The following TUT7 variants were observed in gnomAD, a reference collection of about 807,000 sequenced individuals.
TUT7 encodes terminal uridylyl transferase 7, also known as terminal uridylyltransferase 7.
A neutral mutation model predicts 165.9 loss-of-function variants in TUT7; 33 were observed. The ratio of observed to expected loss-of-function variants is 0.20; its 90% CI spans 0.15 to 0.27. TUT7 has a LOEUF of 0.27. TUT7 is among the 10% of genes least tolerant of loss of function. The pLI is 1.00. For synonymous variants in TUT7, 552 were observed against 608.1 expected, an observed-to-expected ratio of 0.91 and a Z score of 1.36; for missense variants, 1,338 against 1,762.3, an observed-to-expected ratio of 0.76 and a Z score of 4.31.
intron 2 of TUT7, among the ~76,000 whole-genome samples, chr9:86,352,027 T>A (rs564946999): frequency 1.3e-5 from 2 of 152,290 alleles, no homozygotes; most frequent in South Asian, 4.1e-4. Context: ...TAACCAAGCA[T>A]GTGAGGGCAC....
intron 14 of TUT7, among the ~76,000 whole-genome samples, chr9:86,320,095 C>G (rs1430737962): frequency 6.6e-6 from 1 of 152,124 alleles, no homozygotes; most frequent in Non-Finnish European, 1.5e-5. Context: ...GGGATCTCCA[C>G]CTGGGTTTCC....
intron 10 of TUT7, among the ~76,000 whole-genome samples, chr9:86,334,003 G>A (rs1830549555): frequency 1.3e-5 from 2 of 152,072 alleles, no homozygotes; most frequent in African/African-American, 4.8e-5. Context: ...CCCTGGAGAG[G>A]GGAAACACTG....
intron 25 of TUT7, among the ~76,000 whole-genome samples, chr9:86,302,406 T>A (rs1040924621): frequency 2.0e-5 from 3 of 152,192 alleles, no homozygotes; most frequent in Non-Finnish European, 2.9e-5. Context: ...TTACTGTGCA[T>A]TAGAGATGTA....
At chr9:86,301,917 G>A in intron 25 of TUT7, 1 of 934,228 alleles carries the variant, frequency 1.1e-6, no homozygotes, top group South Asian at 4.9e-5. Context: ...CATCCATGGA[G>A]TGATTTCTTG....
Position 86,308,464 on chromosome 9 carries a change from T to C in TUT7, c.3803A>G (p.Lys1268Arg). ...AATGTATTTTGAGGTCCACTGTTTC[T>C]TAAAAGTTGTAAGCAGACTTTTTCT... ...IRRKSLLTTFKKQWTSKYIVI... is the reference protein window; with the variant it reads ...IRRKSLLTTFRKQWTSKYIVI... The change falls in exon 22 of 27, where the codon AAG becomes AGG. Residue 1268 changes from lysine to arginine, a missense_variant. Physicochemically the swap from Lys to Arg is conservative, Grantham distance 26. Coordinates refer to ENST00000375963, the MANE Select transcript of TUT7 (RefSeq NM_024617.4). 1 of 1,613,596 alleles carries C rather than the reference T, an allele frequency of 6.2e-7. No individual in the cohort carries two copies.
Position 86,305,245 on chromosome 9 carries a change from C to CA in TUT7, c.3839-7dup. ...ATGATTCAAATCAAAGGGATCTAAG[C>CA]AAAAAAATTTAAGAGCAAATAAGGT... On this transcript the variant is annotated splice_region_variant and splice_polypyrimidine_tract_variant and intron_variant, in intron 22 of 26. Coordinates refer to ENST00000375963, the MANE Select transcript of TUT7 (RefSeq NM_024617.4). 1.3e-6 allele frequency: 2 copies of CA among 1,582,806 alleles called. No individual in the cohort carries two copies. The highest frequency in any genetic ancestry group is 2.3e-5 in the East Asian group (1 of 43,822).
Position 86,322,310 on chromosome 9 carries a change from A to T in TUT7, c.3028+15T>A, listed in dbSNP as rs1225361361. ...TTAATATTTTGACAAATCAAAAGAA[A>T]TGTGAATAACTTACTATAACACTGG... On this transcript the variant is annotated intron_variant, in intron 14 of 26. Coordinates refer to ENST00000375963, the MANE Select transcript of TUT7 (RefSeq NM_024617.4). 6.2e-7 allele frequency: 1 copy of T among 1,603,672 alleles called. No homozygotes were observed. Among genetic ancestry groups the T allele is most frequent in the Non-Finnish European group, 8.5e-7 (1 of 1,174,680 alleles).
In TUT7 at chr9:86,301,609, A is replaced by G. The variant is rs1826911862; in HGVS notation, c.4095-8T>C. 1 of 1,598,896 alleles carries G rather than the reference A, an allele frequency of 6.3e-7. No individual in the cohort carries two copies. On this transcript the variant is annotated splice_polypyrimidine_tract_variant and splice_region_variant and intron_variant, in intron 25 of 26. Transcript: ENST00000375963. Reference sequence around the variant, plus strand: ...TCTCGCCGCCGTCTTACTCTGTAGAAGATATCATATTAGTAGCAAAAATCT... The same window carrying G: ...TCTCGCCGCCGTCTTACTCTGTAGAGGATATCATATTAGTAGCAAAAATCT...
At chr9:86,298,518 C>T (rs1015275024) in intron 26 of TUT7, among the ~76,000 whole-genome samples, 1 of 152,202 alleles carries the variant, frequency 6.6e-6, no homozygotes, top group African/African-American at 2.4e-5. Context: ...CTCTGGTTGC[C>T]ACTCATGGGT....
chr9:86,308,974 T>G (rs908693062), intron 21 of TUT7, among the ~76,000 whole-genome samples: 2 of 152,336 alleles, frequency 1.3e-5, no homozygotes, highest in East Asian at 3.9e-4. Flanking sequence ...GGAATAAAGT[T>G]ACTTAACCAT....
chr9:86,304,815 TTTTTTTA>T (rs764737331), intron 24 of TUT7, 34 bp downstream of exon 24: 5 of 1,428,610 alleles, frequency 3.5e-6, no homozygotes, highest in East Asian at 2.3e-5. Context: ...ATTAGGCACT[TTTTTTTA>T]TTTTTTATTT....
At chr9:86,293,498 A>T (rs1248397428) in intron 26 of TUT7, among the ~76,000 whole-genome samples, 1 of 152,154 alleles carries the variant, frequency 6.6e-6, no homozygotes, top group African/African-American at 2.4e-5. Context: ...GTAAAAAAAA[A>T]TGGTAAAGTT....
chr9:86,343,023 G>T, intron 6 of TUT7, 52 bp downstream of exon 6: 1 of 1,195,448 alleles, frequency 8.4e-7, no homozygotes, highest in Non-Finnish European at 1.2e-6. Context: ...ACATTTGTAA[G>T]AAAGAATTTC....
Position 86,345,133 on chromosome 9 carries a change from G to A in TUT7, c.841C>T (p.Leu281Phe). ...GGTGTTGGTGGGGGTAACGTAGTGAGCAACTCTTCCTCTTGCTTCTCCTTT... is the reference window on the plus strand; with the variant it reads ...GGTGTTGGTGGGGGTAACGTAGTGAACAACTCTTCCTCTTGCTTCTCCTTT... Reference protein sequence around the residue: ...NIKEKQEEELLTTLPPPTPSQ... With the variant: ...NIKEKQEEELFTTLPPPTPSQ... The change falls in exon 5 of 27, where the codon CTC becomes TTC. Residue 281 changes from leucine (L) to phenylalanine (F), a missense_variant. This residue lies in a region of TUT7 where 434 missense variants were observed against 480.8 expected (regional missense o/e 0.90). Coordinates refer to ENST00000375963, the MANE Select transcript of TUT7 (RefSeq NM_024617.4). The A allele has an allele frequency of 6.2e-7, 1 of 1,607,088 alleles. No homozygotes were observed. Among genetic ancestry groups the A allele is most frequent in the Non-Finnish European group, 8.5e-7 (1 of 1,177,856 alleles).
At chr9:86,295,658 T>C (rs2131270069) in intron 26 of TUT7, among the ~76,000 whole-genome samples, 1 of 152,236 alleles carries the variant, frequency 6.6e-6, no homozygotes, top group Admixed American at 6.5e-5. Flanking sequence ...TTAAGCTTAT[T>C]ATCATAAAGA....
chr9:86,306,104 T>C (rs1419371667), intron 22 of TUT7, among the ~76,000 whole-genome samples: 2 of 152,200 alleles, frequency 1.3e-5, no homozygotes, highest in Non-Finnish European at 1.5e-5. Flanking sequence ...AGACATTATG[T>C]GTAGATATCT....
intron 9 of TUT7, among the ~76,000 whole-genome samples, chr9:86,338,008 C>T (rs1316765005): frequency 2.6e-5 from 4 of 151,934 alleles, no homozygotes; most frequent in Non-Finnish European, 5.9e-5. Context: ...ATGGAAATAA[C>T]AACTAAAAGG....
chr9:86,319,661 G>A lies in TUT7; in HGVS notation c.3038C>T (p.Ser1013Phe). Residue 1013 changes from serine to phenylalanine, a missense_variant, in exon 15 of 27, where the codon TCT (serine) becomes TTT (phenylalanine). Coordinates refer to ENST00000375963, the MANE Select transcript of TUT7 (RefSeq NM_024617.4). ...QVCIQCYKDF[S>F]PTIIEDQARE... The stretch of plus-strand genomic sequence containing the variant: ...AGCCTGATCTTCTATAATTGTTGGA[G>A]AAAAATCCTCTGTTTAAAAATAAAT... 6.2e-7 allele frequency: 1 copy of A among 1,603,242 alleles called. No homozygotes were observed. The highest frequency in any genetic ancestry group is 1.1e-5 in the South Asian group (1 of 88,080).
chr9:86,323,454 C>T lies in TUT7; in HGVS notation c.2296G>A (p.Asp766Asn), dbSNP rs778305965. ...ACAACATGCTCTCCACGTTTCTGAT[C>T]AACAGTCAACAGATGCTTGCCCTTC... ...GRKGKHLLTV[D>N]QKRGEHVVCG... is the part of the protein sequence containing the mutation. The change falls in exon 13 of 27, where the codon GAT becomes AAT. Residue 766 changes from aspartate to asparagine, a missense_variant. Physicochemically the swap from Asp to Asn is conservative, Grantham distance 23. Around this residue, in one of 7 missense-constraint regions of TUT7, gnomAD observed 425 missense variants for 474.9 expected, o/e 0.89. Transcript: ENST00000375963. The T allele has an allele frequency of 6.2e-7, 1 of 1,614,210 alleles. No individual in the cohort carries two copies. Among genetic ancestry groups the T allele is most frequent in the Non-Finnish European group, 8.5e-7 (1 of 1,180,032 alleles).
Sources: gnomAD v4.1 joint callset for allele counts (sites outside exome capture counted in the v4.1 genomes callset) on GRCh38, gnomAD v4.1.1 for gene constraint, gnomAD v4.1.1 regional missense constraint, MANE v1.5 for transcripts, NCBI Gene and HGNC (gene_info 2026-07-23, HGNC 2026-07-21) for gene names.